Variants in SLC6A5 observed in about 807,000 individuals in gnomAD.
The protein encoded by SLC6A5 is sodium- and chloride-dependent glycine transporter 2.
In SLC6A5, 58 loss-of-function variants were observed where a neutral mutation model predicts 90.5. That is an observed-to-expected ratio of 0.64 (90% CI 0.52 to 0.80). SLC6A5 has a LOEUF of 0.80. Ranked by LOEUF, SLC6A5 falls within the 30% of genes least tolerant of loss-of-function variation. SLC6A5 has a pLI of 0.00. For missense variants in SLC6A5, 1,015 were observed against 1,017.6 expected (o/e 1.00, Z 0.03); for synonymous variants, 427 against 401.4 (o/e 1.06, Z -0.76).
chr11:20,615,186 G>A (rs1175094434), intron 6 of SLC6A5, among the ~76,000 whole-genome samples: 1 of 152,088 alleles, frequency 6.6e-6, no homozygotes, highest in Non-Finnish European at 1.5e-5. Flanking sequence ...CATGTTCAGA[G>A]CTTTAGTGTA....
chr11:20,599,909 C>A (rs554844760), intron 1 of SLC6A5, among the ~76,000 whole-genome samples: 3 of 152,042 alleles, frequency 2.0e-5, no homozygotes, highest in Non-Finnish European at 4.4e-5. Flanking sequence ...CCTAAAGACC[C>A]GATCCCGGGC....
chr11:20,629,468 A>C (rs2133801666), intron 9 of SLC6A5, among the ~76,000 whole-genome samples: 1 of 152,290 alleles, frequency 6.6e-6, no homozygotes, highest in Admixed American at 6.5e-5. Flanking sequence ...CCATAGACTG[A>C]GTAATATTTT....
rs1191805948 is a variant in SLC6A5 at position 20,607,522 on chromosome 11, A to C, written c.855A>C (p.Ile285=). ...TGATCATCTCTGTCCTAATAGCCAT[A>C]TACTACAATGTGATTATTTGCTATA... is the stretch of plus-strand genomic sequence containing the variant. The part of the protein sequence containing the change: ...AMLIISVLIA[I]YYNVIICYTL... Residue 285 remains isoleucine, a synonymous_variant, in exon 5 of 16, where the codon ATA becomes ATC. Coordinates refer to ENST00000525748, the MANE Select transcript of SLC6A5 (RefSeq NM_004211.5). 3 of 1,614,188 alleles carry C rather than the reference A, an allele frequency of 1.9e-6. No individual in the cohort carries two copies. Among genetic ancestry groups the C allele is most frequent in the Non-Finnish European group, 2.5e-6 (3 of 1,180,024 alleles).
rs781152123 is a variant in SLC6A5, at chr11:20,601,507, C to G, written c.382C>G (p.Pro128Ala). The G allele has an allele frequency of 6.2e-7, 1 of 1,614,034 alleles. No individual in the cohort carries two copies. Among genetic ancestry groups the G allele is most frequent in the African/African-American group, 1.3e-5 (1 of 75,044 alleles). The change falls in exon 2 of 16, where the codon CCG becomes GCG. Residue 128 changes from proline to alanine, a missense_variant. Pro to Ala is a conservative substitution (Grantham distance 27). Transcript: ENST00000525748. ...CTGTAAGATCCCTTTTCTGCGAGGC[C>G]CGGAGGGGGATGCGAACGTGAGTGT... The part of the protein sequence containing the change: ...LHCKIPFLRG[P>A]EGDANVSVGK...
chr11:20,657,899 A>G lies in SLC6A5; in HGVS notation c.*3031A>G, dbSNP rs925646534. 6.6e-6 allele frequency: 1 copy of G among 152,226 alleles called. No homozygotes were observed. Among genetic ancestry groups the G allele is most frequent in the African/African-American group, 2.4e-5 (1 of 41,466 alleles). 9.4% of individuals were successfully genotyped at this position (152,226 alleles called of 1,614,324 possible). On this transcript the variant is annotated 3_prime_UTR_variant, in exon 16 of 16. Transcript: ENST00000525748. ...TTTAGGACTGTGCTTATCAGGTACA[A>G]ATGTGTCTAGTTCTGTTTTATTGTT... is the stretch of plus-strand genomic sequence containing the variant.
chr11:20,649,789 G>C (rs1853488934), intron 14 of SLC6A5, among the ~76,000 whole-genome samples: 1 of 152,112 alleles, frequency 6.6e-6, no homozygotes, highest in African/African-American at 2.4e-5. Context: ...TATTTATATA[G>C]TAAATGAAAT....
At position 20,601,515 on chromosome 11, in the gene SLC6A5, G is replaced by T. The variant is rs755829819; in HGVS notation, c.390G>T (p.Gly130=). 3 of 1,614,118 alleles carry T rather than the reference G, an allele frequency of 1.9e-6. No homozygotes were observed. In the Admixed American group the frequency reaches 5.0e-5, roughly 27 times the overall value. ...CKIPFLRGPE[G]DANVSVGKGT... ...TCCCTTTTCTGCGAGGCCCGGAGGG[G>T]GATGCGAACGTGAGTGTGGGCAAGG... Residue 130 remains glycine (G), a synonymous_variant, in exon 2 of 16, where the codon GGG becomes GGT. Transcript: ENST00000525748.
rs1342394532 is a variant in SLC6A5, at chr11:20,600,443, T to G, written c.4-686T>G. Among the ~76,000 whole-genome samples, 13 of 151,996 alleles carry G rather than the reference T, an allele frequency of 8.6e-5. No homozygotes were observed. In the East Asian group the frequency reaches 2.3e-3, roughly 27 times the overall value. On this transcript the variant is annotated intron_variant, in intron 1 of 15. Coordinates refer to ENST00000525748, the MANE Select transcript of SLC6A5 (RefSeq NM_004211.5). ...ACAAAAGAACAAAAAGCTTTGCATA[T>G]TCTTTTCCATGTCTGGGAATCTGGA...
chr11:20,659,235 T>C lies in SLC6A5; in HGVS notation c.*4367T>C, dbSNP rs1277645754. The C allele has an allele frequency of 6.6e-6, 1 of 152,056 alleles. No individual in the cohort carries two copies. The highest frequency in any genetic ancestry group is 2.4e-5 in the African/African-American group (1 of 41,432). 9.4% of individuals were successfully genotyped at this position (152,056 alleles called of 1,614,324 possible). ...TGATATAAATTAGAATTTACCCTAA[T>C]AATGTATGAGTTCACAAAACCCTAA... On this transcript the variant is annotated 3_prime_UTR_variant, in exon 16 of 16. Transcript: ENST00000525748.
chr11:20,620,771 C>A (rs1335468248), intron 7 of SLC6A5, among the ~76,000 whole-genome samples: 1 of 151,978 alleles, frequency 6.6e-6, no homozygotes, highest in Non-Finnish European at 1.5e-5. Context: ...GGCTTTGAAG[C>A]CTAGACTTTT....
intron 5 of SLC6A5, among the ~76,000 whole-genome samples, chr11:20,609,299 T>C (rs1000732792): frequency 6.7e-6 from 1 of 150,238 alleles, no homozygotes; most frequent in Non-Finnish European, 1.5e-5. Flanking sequence ...TTTTTTTTGG[T>C]GAAAAGAAAA....
At chr11:20,648,692 T>G (rs896325136) in intron 14 of SLC6A5, among the ~76,000 whole-genome samples, 3 of 152,230 alleles carry the variant, frequency 2.0e-5, no homozygotes, top group African/African-American at 7.2e-5. Context: ...GGTTTATGCT[T>G]GATTAAAATC....
rs951007138 is a variant in SLC6A5, at chr11:20,659,019, C to G, written c.*4151C>G. 6.8e-6 allele frequency: 1 copy of G among 147,720 alleles called. No homozygotes were observed. Among genetic ancestry groups the G allele is most frequent in the Non-Finnish European group, 1.5e-5 (1 of 67,254 alleles). The allele number at this position is 147,720 out of a possible 1,614,324, so 9.2% of individuals were successfully genotyped here. ...TCCTTATATTTTTCCATTAACTATA[C>G]ATGAAGAAAATATATTATGTTACAA... On this transcript the variant is annotated 3_prime_UTR_variant, in exon 16 of 16. Transcript: ENST00000525748.
chr11:20,630,963 C>A (rs1452214589), intron 10 of SLC6A5, 148 bp downstream of exon 10: 3 of 867,916 alleles, frequency 3.5e-6, no homozygotes, highest in Non-Finnish European at 3.7e-6. Context: ...GGGACCAAGG[C>A]AGGCTCAAGT....
chr11:20,638,037 G>C (rs1173599329), intron 12 of SLC6A5, among the ~76,000 whole-genome samples: 1 of 152,134 alleles, frequency 6.6e-6, no homozygotes, highest in Non-Finnish European at 1.5e-5. Context: ...GAGATAATGT[G>C]GGGGTGTGTG....
rs751966244 is a variant in SLC6A5 at position 20,604,314 on chromosome 11, C to T, written c.569C>T (p.Ala190Val). 6.2e-7 allele frequency: 1 copy of T among 1,613,630 alleles called. No homozygotes were observed. The highest frequency in any genetic ancestry group is 2.2e-5 in the East Asian group (1 of 44,846). Residue 190 changes from alanine to valine, a missense_variant, in exon 3 of 16, where the codon GCC (alanine) becomes GTC (valine). Physicochemically the swap from Ala to Val is moderately conservative, Grantham distance 64. Around this residue, in one of 3 missense-constraint regions of SLC6A5, gnomAD observed 567 missense variants for 507.3 expected, o/e 1.12. Transcript: ENST00000525748. ...GACGAGCAAGGGGATGAGAATAAGG[C>T]CCGAGGGAACTGGTCCAGCAAACTG... ...QEDEQGDENK[A>V]RGNWSSKLDF...
At chr11:20,607,352 C>A (rs1852603631) in intron 4 of SLC6A5, 127 bp from the exon 5 acceptor site, 5 of 1,212,450 alleles carry the variant, frequency 4.1e-6, no homozygotes, top group Middle Eastern at 2.4e-4. Flanking sequence ...GACATACAGT[C>A]CACTCTGCTA....
chr11:20,626,266 C>T (rs998459180), intron 7 of SLC6A5, among the ~76,000 whole-genome samples: 1 of 152,156 alleles, frequency 6.6e-6, no homozygotes, highest in African/African-American at 2.4e-5. Context: ...GTTCTTCTGA[C>T]CTTATGGGAC....
intron 8 of SLC6A5, among the ~76,000 whole-genome samples, 157 bp downstream of exon 8, chr11:20,626,999 T>C (rs1853010265): frequency 6.6e-6 from 1 of 152,186 alleles, no homozygotes; most frequent in Non-Finnish European, 1.5e-5. Context: ...AAATATTTAA[T>C]GAGAAGTGGA....
Sources: gnomAD v4.1 joint callset for allele counts (sites outside exome capture counted in the v4.1 genomes callset) on GRCh38, gnomAD v4.1.1 for gene constraint, gnomAD v4.1.1 regional missense constraint, MANE v1.5 for transcripts, NCBI Gene and HGNC (gene_info 2026-07-23, HGNC 2026-07-21) for gene names.